The following CD79A variants were observed in gnomAD, a reference collection of about 807,000 sequenced individuals.
CD79A encodes B-cell antigen receptor complex-associated protein alpha chain.
CD79A carries 16 observed loss-of-function variants against 27.4 expected under a neutral mutation model. The ratio of observed to expected loss-of-function variants is 0.58; its 90% confidence interval spans 0.40 to 0.89. The LOEUF (loss-of-function observed/expected upper bound fraction) is 0.89. CD79A is among the 40% of genes least tolerant of loss of function. The pLI is 0.00. For missense variants in CD79A, 237 were observed against 299.7 expected (o/e 0.79, Z 1.55); for synonymous variants, 110 against 132.7 (o/e 0.83, Z 1.18).
rs374057293 is a variant in CD79A at position 41,878,945 on chromosome 19, G to A, written c.80-45G>A. The A allele has an allele frequency of 2.3e-5, 34 of 1,474,878 alleles. No homozygotes were observed. Among genetic ancestry groups the A allele is most frequent in the Non-Finnish European group, 3.1e-5 (33 of 1,066,692 alleles). The allele number at this position is 1,474,878 out of a possible 1,614,324, so 91.4% of individuals were successfully genotyped here. On this transcript the variant is annotated intron_variant, in intron 1 of 4. Coordinates refer to ENST00000221972, the MANE Select transcript of CD79A (RefSeq NM_001783.4). The surrounding 1 kb of genome is among the most constrained non-coding windows in gnomAD (Gnocchi z 4.3). ...GCAGGGGCCAGGGCTGGGGAAATGT[G>A]TCACCATCCCCAGTCCCTGACCCAC...
In CD79A at chr19:41,880,750, G is replaced by A. The variant is rs782504307; in HGVS notation, c.567+12G>A. The A allele has an allele frequency of 3.4e-5, 52 of 1,545,126 alleles. No individual in the cohort carries two copies. The Admixed American group carries it at 9.6e-4, about 29-fold the overall frequency. On this transcript the variant is annotated intron_variant, in intron 4 of 4. Coordinates refer to ENST00000221972, the MANE Select transcript of CD79A (RefSeq NM_001783.4). The stretch of plus-strand genomic sequence containing the variant: ...AAAACCTTTATGAAGTGAGTGAAGG[G>A]TGGGGATGGGGTAGGGGCAGTTGTG...
intron 3 of CD79A, 25 bp from the exon 4 acceptor site, chr19:41,880,645 G>GCCGCCC: frequency 8.8e-7 from 1 of 1,134,300 alleles, no homozygotes; most frequent in Non-Finnish European, 1.3e-6. Context: ...GCTCACTGAG[G>GCCGCCC]CACCCACCCC....
Position 41,879,411 on chromosome 19 carries a change from C to T in CD79A, c.379+122C>T, listed in dbSNP as rs782144647. ...TTTCAAACCGGCTTGGACAGAGGGA[C>T]GGACATTCTCCTCTGCAGAGTGGGG... is the stretch of plus-strand genomic sequence containing the variant. On this transcript the variant is annotated intron_variant, in intron 2 of 4. Transcript: ENST00000221972. This position sits in a 1 kb window ranked among gnomAD's most constrained non-coding sequence, Gnocchi z 5.1. The T allele has an allele frequency of 2.8e-5, 34 of 1,217,044 alleles. No homozygotes were observed. Among genetic ancestry groups the T allele is most frequent in the African/African-American group, 1.0e-4 (7 of 67,014 alleles). The allele number at this position is 1,217,044 out of a possible 1,614,324, so 75.4% of individuals were successfully genotyped here. A position where few individuals can be genotyped will look rare whatever the true frequency, so the allele number is the denominator to read the frequency against.
At chr19:41,880,498 AAG>A (rs2074216991) in intron 3 of CD79A, among the ~76,000 whole-genome samples, 170 bp from the exon 4 acceptor site, 1 of 150,460 alleles carries the variant, frequency 6.6e-6, no homozygotes, top group African/African-American at 2.5e-5. Flanking sequence ...GGAAGGAAGG[AAG>A]GAAGGAGAAC....
At position 41,880,930 on chromosome 19, in the gene CD79A, C is replaced by G; in HGVS notation, c.631C>G (p.Gln211Glu). 1 of 1,602,318 alleles carries G rather than the reference C, an allele frequency of 6.2e-7. No individual in the cohort carries two copies. Among genetic ancestry groups the G allele is most frequent in the South Asian group, 1.1e-5 (1 of 88,578 alleles). The change falls in exon 5 of 5, where the codon CAG (glutamine) becomes GAG (glutamate). Residue 211 changes from glutamine to glutamate, a missense_variant. Gln to Glu is a conservative substitution (Grantham distance 29). Coordinates refer to ENST00000221972, the MANE Select transcript of CD79A (RefSeq NM_001783.4). ...CTCCCGGGGCCTCCAGGGCACCTAC[C>G]AGGATGTGGGCAGCCTCAACATAGG... Reference protein sequence around the residue: ...DISRGLQGTYQDVGSLNIGDV... With the variant: ...DISRGLQGTYEDVGSLNIGDV...
chr19:41,881,047 C>A lies in CD79A; in HGVS notation c.*67C>A. The A allele has an allele frequency of 1.1e-6, 1 of 940,972 alleles. No individual in the cohort carries two copies. The highest frequency in any genetic ancestry group is 1.7e-6 in the Non-Finnish European group (1 of 601,794). The allele number at this position is 940,972 out of a possible 1,614,324, so 58.3% of individuals were successfully genotyped here. ...CAGCTCCAGTGTCTCAGCTCACTTC[C>A]CTGGGACATTCTCCTTTCAGCCCTT... On this transcript the variant is annotated 3_prime_UTR_variant, in exon 5 of 5. Transcript: ENST00000221972.
In CD79A at chr19:41,878,858, G is replaced by A. The variant is rs2074203555; in HGVS notation, c.80-132G>A. Reference sequence around the variant, plus strand: ...CCAGGATGTATCAGCCCCTGTCAGGGGCTCTCTCTCTCCCTCCCCACCCAG... The same window carrying A: ...CCAGGATGTATCAGCCCCTGTCAGGAGCTCTCTCTCTCCCTCCCCACCCAG... On this transcript the variant is annotated intron_variant, in intron 1 of 4. Coordinates refer to ENST00000221972, the MANE Select transcript of CD79A (RefSeq NM_001783.4). The surrounding 1 kb of genome is among the most constrained non-coding windows in gnomAD (Gnocchi z 4.3). 1.1e-5 allele frequency: 8 copies of A among 701,728 alleles called. No individual in the cohort carries two copies. The highest frequency in any genetic ancestry group is 1.0e-4 in the South Asian group (6 of 59,474). 43.5% of individuals were successfully genotyped at this position (701,728 alleles called of 1,614,324 possible). A position where few individuals can be genotyped will look rare whatever the true frequency, so the allele number is the denominator to read the frequency against.
At chr19:41,880,840 A>T in intron 4 of CD79A, 27 bp from the exon 5 acceptor site, 1 of 1,560,334 alleles carries the variant, frequency 6.4e-7, no homozygotes, top group Non-Finnish European at 8.7e-7. Context: ...CAGGGTGCTG[A>T]TGTTCGCTGC....
Position 41,878,009 on chromosome 19 carries a change from C to T in CD79A, c.79+626C>T, listed in dbSNP as rs140517968. ...TCGGCCCCTCTCCCCATCTCTTCCT[C>T]CTTCTCTCTTCCTCACCTCCCTCCT... On this transcript the variant is annotated intron_variant, in intron 1 of 4. Transcript: ENST00000221972. The surrounding 1 kb of genome is among the most constrained non-coding windows in gnomAD (Gnocchi z 4.3). Among the ~76,000 whole-genome samples the T allele has an allele frequency of 3.3e-3, 499 of 152,280 alleles. No homozygotes were observed. Among genetic ancestry groups the T allele is most frequent in the African/African-American group, 0.012 (481 of 41,548 alleles).
In CD79A at chr19:41,881,080, C is replaced by T; in HGVS notation, c.*100C>T. On this transcript the variant is annotated 3_prime_UTR_variant, in exon 5 of 5. Transcript: ENST00000221972. ...ATTCTCCTTTCAGCCCTTCTGGGGG[C>T]TTCCTTAGTCATATTCCCCCAGTGG... 1.3e-6 allele frequency: 1 copy of T among 796,084 alleles called. No individual in the cohort carries two copies. 49.3% of individuals were successfully genotyped at this position (796,084 alleles called of 1,614,324 possible).
Position 41,877,334 on chromosome 19 carries a change from T to C in CD79A, c.30T>C (p.Ala10=), listed in dbSNP as rs782716159. The change falls in exon 1 of 5, where the codon GCT becomes GCC. Residue 10 remains alanine, a synonymous_variant. Coordinates refer to ENST00000221972, the MANE Select transcript of CD79A (RefSeq NM_001783.4). This position sits in a 1 kb window ranked among gnomAD's most constrained non-coding sequence, Gnocchi z 4.1. MPGGPGVLQ[A]LPATIFLLFL... ...CTGGGGGTCCAGGAGTCCTCCAAGCTCTGCCTGCCACCATCTTCCTCCTCT... is the reference window on the plus strand; with the variant it reads ...CTGGGGGTCCAGGAGTCCTCCAAGCCCTGCCTGCCACCATCTTCCTCCTCT... 1 of 1,614,026 alleles carries C rather than the reference T, an allele frequency of 6.2e-7. No individual in the cohort carries two copies. Among genetic ancestry groups the C allele is most frequent in the African/African-American group, 1.3e-5 (1 of 74,912 alleles).
rs1407357998 is a variant in CD79A, at chr19:41,878,802, G to A, written c.80-188G>A. ...GGTATGTCCTCTCTCCTTCCCAGGG[G>A]CTTCTTCACTTTCCCGCATCCCCCC... On this transcript the variant is annotated intron_variant, in intron 1 of 4. Coordinates refer to ENST00000221972, the MANE Select transcript of CD79A (RefSeq NM_001783.4). This position sits in a 1 kb window ranked among gnomAD's most constrained non-coding sequence, Gnocchi z 4.3. 6.6e-6 allele frequency among the ~76,000 whole-genome samples: 1 copy of A among 151,944 alleles called. No homozygotes were observed. Among genetic ancestry groups the A allele is most frequent in the Admixed American group, 6.6e-5 (1 of 15,258 alleles).
At position 41,879,302 on chromosome 19, in the gene CD79A, G is replaced by T; in HGVS notation, c.379+13G>T. ...CTCCGCGTGCGCCGTGAGTGGCCCA[G>T]CCCTGGCCCCTACTCCCACTGTCCC... On this transcript the variant is annotated intron_variant, in intron 2 of 4. Transcript: ENST00000221972. The surrounding 1 kb of genome is among the most constrained non-coding windows in gnomAD (Gnocchi z 5.1). The T allele has an allele frequency of 6.2e-7, 1 of 1,609,686 alleles. No individual in the cohort carries two copies.
chr19:41,877,321 G>A lies in CD79A; in HGVS notation c.17G>A (p.Gly6Glu). The part of the protein sequence containing the change: MPGGP[G>E]VLQALPATIF... The stretch of plus-strand genomic sequence containing the variant: ...TGGGAGAAGATGCCTGGGGGTCCAG[G>A]AGTCCTCCAAGCTCTGCCTGCCACC... The change falls in exon 1 of 5, where the codon GGA (glycine) becomes GAA (glutamate). Residue 6 changes from glycine to glutamate, a missense_variant. Transcript: ENST00000221972. This position sits in a 1 kb window ranked among gnomAD's most constrained non-coding sequence, Gnocchi z 4.1. 6.2e-7 allele frequency: 1 copy of A among 1,614,116 alleles called. No individual in the cohort carries two copies. Among genetic ancestry groups the A allele is most frequent in the African/African-American group, 1.3e-5 (1 of 75,056 alleles).
In CD79A at chr19:41,881,021, C is replaced by A; in HGVS notation, c.*41C>A. The A allele has an allele frequency of 1.7e-6, 2 of 1,188,182 alleles. No individual in the cohort carries two copies. The allele number at this position is 1,188,182 out of a possible 1,614,324, so 73.6% of individuals were successfully genotyped here. The stretch of plus-strand genomic sequence containing the variant: ...CAGGCTGCCCCCGCCTGCTGTGCAC[C>A]CAGCTCCAGTGTCTCAGCTCACTTC... On this transcript the variant is annotated 3_prime_UTR_variant, in exon 5 of 5. Transcript: ENST00000221972.
chr19:41,879,038 T>C lies in CD79A; in HGVS notation c.128T>C (p.Met43Thr), dbSNP rs782421590. Residue 43 changes from methionine to threonine, a missense_variant, in exon 2 of 5, where the codon ATG becomes ACG. By Grantham distance (81) the Met-to-Thr change is moderately conservative (BLOSUM62 -1). Coordinates refer to ENST00000221972, the MANE Select transcript of CD79A (RefSeq NM_001783.4). This position sits in a 1 kb window ranked among gnomAD's most constrained non-coding sequence, Gnocchi z 5.1. ...ATGCACAAGGTCCCAGCATCATTGA[T>C]GGTGAGCCTGGGGGAAGACGCCCAC... ...LWMHKVPASL[M>T]VSLGEDAHFQ... 14 of 1,613,344 alleles carry C rather than the reference T, an allele frequency of 8.7e-6. No individual in the cohort carries two copies. The African/African-American group carries it at 1.3e-4, about 15-fold the overall frequency.
intron 4 of CD79A, 25 bp downstream of exon 4, chr19:41,880,763 A>AG (rs782046202): frequency 1.3e-6 from 1 of 753,518 alleles, no homozygotes; most frequent in African/African-American, 1.9e-5. Context: ...GGGATGGGGT[A>AG]GGGGCAGTTG....
rs367608135 is a variant in CD79A, at chr19:41,880,705, C to T, written c.534C>T (p.Ala178=). The T allele has an allele frequency of 2.0e-4, 264 of 1,295,016 alleles. No homozygotes were observed. In the African/African-American group the frequency reaches 3.4e-3, roughly 17 times the overall value. 80.2% of individuals were successfully genotyped at this position (1,295,016 alleles called of 1,614,324 possible). Residue 178 remains alanine, a synonymous_variant, in exon 4 of 5, where the codon GCC becomes GCT. Coordinates refer to ENST00000221972, the MANE Select transcript of CD79A (RefSeq NM_001783.4). ...AGAACGAGAAGCTCGGGTTGGATGC[C>T]GGGGATGAATATGAAGATGAAAACC... ...RWQNEKLGLD[A]GDEYEDENLY... is the part of the protein sequence containing the mutation.
In CD79A at chr19:41,879,396, G is replaced by A; in HGVS notation, c.379+107G>A. The A allele has an allele frequency of 6.2e-6, 8 of 1,299,798 alleles. No individual in the cohort carries two copies. Among genetic ancestry groups the A allele is most frequent in the Non-Finnish European group, 7.5e-6 (7 of 927,706 alleles). The allele number at this position is 1,299,798 out of a possible 1,614,324, so 80.5% of individuals were successfully genotyped here. A position where few individuals can be genotyped will look rare whatever the true frequency, so the allele number is the denominator to read the frequency against. On this transcript the variant is annotated intron_variant, in intron 2 of 4. Coordinates refer to ENST00000221972, the MANE Select transcript of CD79A (RefSeq NM_001783.4). This position sits in a 1 kb window ranked among gnomAD's most constrained non-coding sequence, Gnocchi z 5.1. Reference sequence around the variant, plus strand: ...TACCTTCAATGTGGGTTTCAAACCGGCTTGGACAGAGGGACGGACATTCTC... The same window carrying A: ...TACCTTCAATGTGGGTTTCAAACCGACTTGGACAGAGGGACGGACATTCTC...
Sources: allele counts gnomAD v4.1 joint callset (sites outside exome capture counted in the v4.1 genomes callset), GRCh38; gene constraint gnomAD v4.1.1; non-coding constraint Gnocchi (gnomAD v3.1); transcripts MANE v1.5; gene names NCBI Gene and HGNC (gene_info 2026-07-23, HGNC 2026-07-21).